POLN: variants seen among roughly 807,000 people sequenced by gnomAD.
The protein encoded by POLN is DNA polymerase nu, also known as DNA polymerase N.
Under a neutral mutation model 113.5 loss-of-function variants are expected in POLN, and 108 were observed. That is an observed-to-expected ratio of 0.95 (90% CI 0.81 to 1.12). The LOEUF (loss-of-function observed/expected upper bound fraction) is 1.12, where lower values mean the gene tolerates loss of function less well. Among genes scored for constraint, POLN ranks in the 50% most tolerant of loss-of-function variants. POLN has a pLI of 0.00. For missense variants in POLN, 1,097 were observed against 1,077.1 expected (o/e 1.02, Z -0.26); for synonymous variants, 386 against 391.5 (o/e 0.99, Z 0.17).
At chr4:2,220,160 C>A (rs1734220510) in intron 3 of POLN, among the ~76,000 whole-genome samples, 1 of 152,154 alleles carries the variant, frequency 6.6e-6, no homozygotes, top group Non-Finnish European at 1.5e-5. Context: ...AGAAAATACA[C>A]CTCCTTTGCC....
intron 16 of POLN, among the ~76,000 whole-genome samples, chr4:2,151,810 A>G (rs1732302755): frequency 6.6e-6 from 1 of 152,210 alleles, no homozygotes; most frequent in African/African-American, 2.4e-5. Flanking sequence ...GGCCAAGGAC[A>G]TGGGTAAAAG....
intron 19 of POLN, among the ~76,000 whole-genome samples, chr4:2,123,211 G>A (rs1248790884): frequency 6.6e-6 from 1 of 151,410 alleles, no homozygotes; most frequent in Non-Finnish European, 1.5e-5. Flanking sequence ...AACCTCAGCT[G>A]GGCGTGGTGG....
chr4:2,237,406 T>C (rs1460941260), intron 2 of POLN, among the ~76,000 whole-genome samples: 1 of 150,586 alleles, frequency 6.6e-6, no homozygotes, highest in East Asian at 2.0e-4. Context: ...ACTGCACTCC[T>C]ACCTAGGCAA....
chr4:2,142,192 C>T (rs1393887859), intron 16 of POLN, among the ~76,000 whole-genome samples: 2 of 152,178 alleles, frequency 1.3e-5, no homozygotes, highest in East Asian at 1.9e-4. Flanking sequence ...TCTCTCATGC[C>T]GATACTTTTC....
At chr4:2,117,366 T>C (rs1434096694) in intron 19 of POLN, among the ~76,000 whole-genome samples, 1 of 152,256 alleles carries the variant, frequency 6.6e-6, no homozygotes, top group Non-Finnish European at 1.5e-5. Flanking sequence ...TGTGACCTTT[T>C]TGATTACAAA....
At chr4:2,229,277 A>G (rs760525724) in intron 2 of POLN, 34 bp from the exon 3 acceptor site, 53 of 1,490,014 alleles carry the variant, frequency 3.6e-5, no homozygotes, top group Non-Finnish European at 4.5e-5. Flanking sequence ...TAAATCCCAT[A>G]TATTAATCCT....
At chr4:2,095,755 C>A in intron 20 of POLN, 96 bp downstream of exon 20, 2 of 1,132,384 alleles carry the variant, frequency 1.8e-6, no homozygotes, top group South Asian at 2.5e-5. Flanking sequence ...CAGGGACTCA[C>A]AGACGATTTC....
chr4:2,179,111 A>G (rs1350078378), intron 8 of POLN, among the ~76,000 whole-genome samples, 197 bp downstream of exon 8: 1 of 152,222 alleles, frequency 6.6e-6, no homozygotes, highest in Non-Finnish European at 1.5e-5. Context: ...AACAGGTGCC[A>G]TAGAAGAACA....
At chr4:2,173,193 G>A (rs570185699) in intron 11 of POLN, among the ~76,000 whole-genome samples, 1 of 152,170 alleles carries the variant, frequency 6.6e-6, no homozygotes, top group African/African-American at 2.4e-5. Flanking sequence ...AAAGCACACA[G>A]GACTCTGGAA....
At chr4:2,179,106 G>A (rs921988142) in intron 8 of POLN, among the ~76,000 whole-genome samples, 1 of 152,192 alleles carries the variant, frequency 6.6e-6, no homozygotes, top group Admixed American at 6.5e-5. Flanking sequence ...CTAGGAACAG[G>A]TGCCATAGAA....
intron 7 of POLN, among the ~76,000 whole-genome samples, chr4:2,189,692 A>G (rs545531564): frequency 3.9e-4 from 59 of 151,608 alleles, no homozygotes; most frequent in Non-Finnish European, 6.5e-4. Flanking sequence ...CAAAGAGTCA[A>G]TGCAATCTCT....
chr4:2,172,624 A>C (rs1732891565), intron 11 of POLN, among the ~76,000 whole-genome samples: 1 of 152,164 alleles, frequency 6.6e-6, no homozygotes, highest in South Asian at 2.1e-4. Flanking sequence ...AAAACTCATA[A>C]TGAGATATCA....
rs1731596328 is a variant in POLN at position 2,126,941 on chromosome 4, A to G, written c.1982+1172T>C. Among the ~76,000 whole-genome samples the G allele has an allele frequency of 6.6e-6, 1 of 151,980 alleles. No individual in the cohort carries two copies. Among genetic ancestry groups the G allele is most frequent in the African/African-American group, 2.4e-5 (1 of 41,366 alleles). On this transcript the variant is annotated intron_variant, in intron 19 of 25. Coordinates refer to ENST00000511885, the MANE Select transcript of POLN (RefSeq NM_181808.4). This position sits in a 1 kb window ranked among gnomAD's most constrained non-coding sequence, Gnocchi z 4.6. ...ACAGAGGCGGAGACAGCGCATGGGG[A>G]GGGGAGTGCAGGGGGCCGGCCTAGT...
intron 16 of POLN, among the ~76,000 whole-genome samples, chr4:2,134,882 T>A (rs1419430966): frequency 2.0e-5 from 3 of 152,204 alleles, no homozygotes; most frequent in Non-Finnish European, 4.4e-5. Flanking sequence ...CAGAGAGGCA[T>A]TGAAAGCATG....
At chr4:2,156,945 C>T (rs1462350489) in intron 15 of POLN, 92 bp from the exon 16 acceptor site, 45 of 1,033,038 alleles carry the variant, frequency 4.4e-5, no homozygotes, top group South Asian at 5.3e-5. Flanking sequence ...ATGCAACACT[C>T]GCTGCTCCTC....
At position 2,241,561 on chromosome 4, in the gene POLN, C is replaced by A. The variant is rs999265891; in HGVS notation, c.-54G>T. The A allele has an allele frequency of 7.1e-6, 7 of 985,778 alleles. No individual in the cohort carries two copies. In the African/African-American group the frequency reaches 1.0e-4, roughly 15 times the overall value. The allele number at this position is 985,778 out of a possible 1,614,324, so 61.1% of individuals were successfully genotyped here. On this transcript the variant is annotated 5_prime_UTR_variant, in exon 2 of 26. Coordinates refer to ENST00000511885, the MANE Select transcript of POLN (RefSeq NM_181808.4). ...GCAAGGCTCCACCTCCAGAGTCCAC[C>A]ACCGCGACGCGGAGAACAGCAGGAG...
At chr4:2,175,335 A>G (rs965278210) in intron 9 of POLN, among the ~76,000 whole-genome samples, 1 of 152,180 alleles carries the variant, frequency 6.6e-6, no homozygotes, top group African/African-American at 2.4e-5. Context: ...AAGAAATAAA[A>G]AGAAATTCTG....
chr4:2,112,555 C>T (rs1214995311), intron 19 of POLN, among the ~76,000 whole-genome samples: 1 of 151,980 alleles, frequency 6.6e-6, no homozygotes, highest in Non-Finnish European at 1.5e-5. Context: ...AACAAACAAC[C>T]CCATCAAAAA....
chr4:2,089,503 T>C (rs1445221852), intron 20 of POLN: 1 of 1,342,814 alleles, frequency 7.4e-7, no homozygotes, highest in Middle Eastern at 1.8e-4. Context: ...ACTTTCACAC[T>C]GGGAAAACTG....
Sources: allele counts gnomAD v4.1 joint callset (sites outside exome capture counted in the v4.1 genomes callset), GRCh38; gene constraint gnomAD v4.1.1; non-coding constraint Gnocchi (gnomAD v3.1); transcripts MANE v1.5; gene names NCBI Gene and HGNC (gene_info 2026-07-23, HGNC 2026-07-21).